Variants in GALNTL6 observed in about 807,000 individuals in gnomAD.
GALNTL6 encodes the protein polypeptide N-acetylgalactosaminyltransferase like 6, also known as polypeptide N-acetylgalactosaminyltransferase-like 6.
A neutral mutation model predicts 73.7 loss-of-function variants in GALNTL6; 46 were observed. The observed-to-expected ratio is 0.62, with a 90% CI of 0.49 to 0.80. The LOEUF is 0.80. Ranked by LOEUF, GALNTL6 falls within the 30% of genes least tolerant of loss-of-function variation. The probability of loss-of-function intolerance (pLI) is 0.00; values close to 1 mark genes in which losing one functional copy is unlikely to be tolerated. For missense variants in GALNTL6, 604 were observed against 755.0 expected (o/e 0.80, Z 2.34); for synonymous variants, 259 against 263.7 (o/e 0.98, Z 0.17).
chr4:172,530,530 G>T lies in GALNTL6; in HGVS notation c.553+181841G>T, dbSNP rs187135634. On this transcript the variant is annotated intron_variant, in intron 5 of 12. Transcript: ENST00000506823. Reference sequence around the variant, plus strand: ...TTGTTATCCCTAAATTCTTTAAGAGGTTACTTTACCTCTCTGAACCACAGC... The same window carrying T: ...TTGTTATCCCTAAATTCTTTAAGAGTTTACTTTACCTCTCTGAACCACAGC... Among the ~76,000 whole-genome samples the T allele has an allele frequency of 9.2e-5, 14 of 152,212 alleles. No individual in the cohort carries two copies. The East Asian group carries it at 2.5e-3, about 27-fold the overall frequency.
chr4:171,873,500 C>T (rs990663763), intron 2 of GALNTL6, among the ~76,000 whole-genome samples: 4 of 151,920 alleles, frequency 2.6e-5, no homozygotes, highest in African/African-American at 4.8e-5. Context: ...TTCTGTATAC[C>T]CATCATGCTC....
intron 4 of GALNTL6, among the ~76,000 whole-genome samples, chr4:172,342,338 A>G (rs1029276316): frequency 2.0e-5 from 3 of 152,158 alleles, no homozygotes; most frequent in African/African-American, 7.2e-5. Flanking sequence ...ATGTAATCAA[A>G]AGTGAAGAAT....
intron 5 of GALNTL6, among the ~76,000 whole-genome samples, chr4:172,686,404 C>G (rs879106656): frequency 3.3e-5 from 5 of 152,108 alleles, no homozygotes; most frequent in Non-Finnish European, 4.4e-5. Flanking sequence ...AAGCCTGGCT[C>G]TGGTGTTCAT....
intron 5 of GALNTL6, among the ~76,000 whole-genome samples, chr4:172,461,373 G>T (rs1003615993): frequency 2.0e-5 from 3 of 151,962 alleles, no homozygotes; most frequent in Non-Finnish European, 2.9e-5. Flanking sequence ...AGAAATAAAA[G>T]ATTTTTTTTC....
chr4:172,588,525 C>G (rs750342260), intron 5 of GALNTL6, among the ~76,000 whole-genome samples: 7 of 149,930 alleles, frequency 4.7e-5, no homozygotes, highest in Non-Finnish European at 8.9e-5. Context: ...GCCCGGGGAC[C>G]CTGTCTCAAA....
At chr4:173,020,559 A>G (rs898948591) in intron 11 of GALNTL6, among the ~76,000 whole-genome samples, 2 of 152,128 alleles carry the variant, frequency 1.3e-5, no homozygotes, top group Admixed American at 6.5e-5. Flanking sequence ...AACTTTCTAC[A>G]TTGCCCTGCA....
At chr4:172,217,064 G>T (rs535453780) in intron 2 of GALNTL6, among the ~76,000 whole-genome samples, 30 of 152,276 alleles carry the variant, frequency 2.0e-4, no homozygotes, top group African/African-American at 6.7e-4. Context: ...GGAGGCCAAG[G>T]TTCTTTTGAA....
intron 2 of GALNTL6, among the ~76,000 whole-genome samples, chr4:171,868,679 ATTCT>A (rs918821170): frequency 6.6e-6 from 1 of 151,694 alleles, no homozygotes; most frequent in Non-Finnish European, 1.5e-5. Flanking sequence ...GTAACTGAAC[ATTCT>A]TTCTTTCTTT....
chr4:172,783,033 A>G (rs1490242758), intron 5 of GALNTL6, among the ~76,000 whole-genome samples: 3 of 151,898 alleles, frequency 2.0e-5, no homozygotes, highest in Non-Finnish European at 4.4e-5. Flanking sequence ...TCTTATTTGT[A>G]AAACACTATC....
chr4:172,130,858 T>C (rs1350869269), intron 2 of GALNTL6, among the ~76,000 whole-genome samples: 1 of 152,108 alleles, frequency 6.6e-6, no homozygotes, highest in Non-Finnish European at 1.5e-5. Context: ...TTGAACTCCA[T>C]AAAGAGATAT....
intron 2 of GALNTL6, among the ~76,000 whole-genome samples, chr4:171,960,883 T>C (rs1160435261): frequency 2.0e-5 from 3 of 151,830 alleles, no homozygotes; most frequent in Non-Finnish European, 2.9e-5. Context: ...TCTTTCATTG[T>C]CACTAGAGAA....
chr4:172,639,107 T>G (rs935555010), intron 5 of GALNTL6, among the ~76,000 whole-genome samples: 7 of 152,146 alleles, frequency 4.6e-5, no homozygotes, highest in Non-Finnish European at 8.8e-5. Flanking sequence ...CACTGCAAAG[T>G]TAGTTTTCTC....
At chr4:172,698,124 T>C (rs1222443758) in intron 5 of GALNTL6, among the ~76,000 whole-genome samples, 1 of 152,052 alleles carries the variant, frequency 6.6e-6, no homozygotes, top group African/African-American at 2.4e-5. Flanking sequence ...AAATAAAAAC[T>C]TAGCATTGTC....
chr4:172,080,153 C>CATTTAATT lies in GALNTL6; in HGVS notation c.139-149498_139-149497insATTATTTA. 2.0e-5 allele frequency among the ~76,000 whole-genome samples: 3 copies of CATTTAATT among 152,242 alleles called. No individual in the cohort carries two copies. In the South Asian group the frequency reaches 6.2e-4, roughly 32 times the overall value. On this transcript the variant is annotated intron_variant, in intron 2 of 12. Transcript: ENST00000506823. ...TCCCTTCCACAGCTTTGAAGTGCCA[C>CATTTAATT]ATTTACTTATTTACTTATTTATTTC...
At chr4:172,304,727 A>T (rs7691711) in intron 3 of GALNTL6, among the ~76,000 whole-genome samples, 151,012 of 152,310 alleles carry the variant, frequency 0.99, 74,877 homozygotes, top group Middle Eastern at 1. Context: ...TTCCATCTTA[A>T]GAGATCTCTA....
rs1267961278 is a variant in GALNTL6, at chr4:172,510,370, C to T, written c.553+161681C>T. 3.7e-5 allele frequency among the ~76,000 whole-genome samples: 2 copies of T among 54,552 alleles called. 1 individual carries two copies. The highest frequency in any genetic ancestry group is 9.2e-5 in the African/African-American group (2 of 21,802). 35.8% of individuals were successfully genotyped at this position (54,552 alleles called of 152,430 possible). A position where few individuals can be genotyped will look rare whatever the true frequency, so the allele number is the denominator to read the frequency against. On this transcript the variant is annotated intron_variant, in intron 5 of 12. Coordinates refer to ENST00000506823, the MANE Select transcript of GALNTL6 (RefSeq NM_001034845.3). ...GAGTCTTTAGAGTTTTCTAGGTATA[C>T]GATCTTCTACTCCATGATCAGTGAC...
At chr4:172,822,097 G>A (rs755658946) in intron 7 of GALNTL6, among the ~76,000 whole-genome samples, 5 of 152,136 alleles carry the variant, frequency 3.3e-5, no homozygotes, top group Admixed American at 6.5e-5. Flanking sequence ...TCAACAGGAT[G>A]TTCCCTATGA....
At chr4:172,304,274 G>A (rs1403514150) in intron 3 of GALNTL6, among the ~76,000 whole-genome samples, 4 of 152,122 alleles carry the variant, frequency 2.6e-5, no homozygotes, top group Non-Finnish European at 5.9e-5. Flanking sequence ...TATGTGTGGC[G>A]TACCTGTTAT....
At chr4:171,921,964 A>G (rs1302660732) in intron 2 of GALNTL6, among the ~76,000 whole-genome samples, 3 of 152,082 alleles carry the variant, frequency 2.0e-5, no homozygotes, top group Admixed American at 2.0e-4. Flanking sequence ...CTGGGTTAAA[A>G]TTCTGCATCA....
Sources: gnomAD v4.1 joint callset for allele counts (sites outside exome capture counted in the v4.1 genomes callset) on GRCh38, gnomAD v4.1.1 for gene constraint, MANE v1.5 for transcripts, NCBI Gene and HGNC (gene_info 2026-07-23, HGNC 2026-07-21) for gene names.